Variants in CFAP46 observed in about 807,000 individuals in gnomAD.
The protein encoded by CFAP46 is cilia- and flagella-associated protein 46.
Under a neutral mutation model 325.7 loss-of-function variants are expected in CFAP46, and 245 were observed. That is an observed-to-expected ratio of 0.75 (90% CI 0.68 to 0.84). The LOEUF (loss-of-function observed/expected upper bound fraction) is 0.84. CFAP46 is among the 40% of genes least tolerant of loss of function. The pLI is 0.00. For synonymous variants in CFAP46, 1,523 were observed against 1,495.9 expected (o/e 1.02, Z -0.42); for missense variants, 3,346 against 3,543.0 (o/e 0.94, Z 1.41).
At chr10:132,837,068 T>C in intron 44 of CFAP46, 154 bp from the exon 45 acceptor site, 1 of 597,082 alleles carries the variant, frequency 1.7e-6, no homozygotes, top group Non-Finnish European at 2.9e-6. Flanking sequence ...TGGGGGGCCC[T>C]GCTGGAAGTG....
intron 28 of CFAP46, among the ~76,000 whole-genome samples, chr10:132,879,905 T>A (rs1782899034): frequency 6.6e-6 from 1 of 151,914 alleles, no homozygotes; most frequent in South Asian, 2.1e-4. Context: ...CCTGCTGCCC[T>A]GTGTGTCCTG....
intron 50 of CFAP46, among the ~76,000 whole-genome samples, chr10:132,824,843 AGCGCTGATGTGTGTGT>A (rs1848005598): frequency 1.1e-5 from 1 of 86,994 alleles, no homozygotes; most frequent in African/African-American, 4.7e-5. Context: ...GTGCTGTGTG[AGCGCTGATGTGTGTGT>A]GTGCTGATGT....
intron 24 of CFAP46, among the ~76,000 whole-genome samples, chr10:132,893,496 G>GA (rs1182514987): frequency 1.3e-5 from 2 of 152,156 alleles, no homozygotes; most frequent in African/African-American, 2.4e-5. Context: ...GCACTGGCAG[G>GA]AAACACTCTC....
chr10:132,895,116 A>G (rs1196281305), intron 24 of CFAP46, among the ~76,000 whole-genome samples: 1 of 152,242 alleles, frequency 6.6e-6, no homozygotes, highest in African/African-American at 2.4e-5. Flanking sequence ...ATAATGACCA[A>G]GTAGGATTTA....
At chr10:132,930,698 C>G (rs911019125) in intron 8 of CFAP46, among the ~76,000 whole-genome samples, 2 of 86,634 alleles carry the variant, frequency 2.3e-5, no homozygotes, top group Admixed American at 2.3e-4. Flanking sequence ...ACACTCCCCA[C>G]GCAGAGCCTG....
intron 8 of CFAP46, among the ~76,000 whole-genome samples, chr10:132,930,099 GA>G (rs1427713224): frequency 1.3e-5 from 2 of 152,098 alleles, no homozygotes; most frequent in Non-Finnish European, 2.9e-5. Flanking sequence ...GTCATGTGCA[GA>G]ACCCAGGAGA....
chr10:132,924,635 CTCT>C (rs1849778474), intron 11 of CFAP46, 58 bp downstream of exon 11: 1 of 1,377,622 alleles, frequency 7.3e-7, no homozygotes, highest in African/African-American at 1.5e-5. Flanking sequence ...CCTTCTCCTC[CTCT>C]GTCTCCTCCT....
chr10:132,898,860 T>C lies in CFAP46; in HGVS notation c.3219+99A>G, dbSNP rs1010639243. 1.7e-5 allele frequency: 24 copies of C among 1,445,486 alleles called. No individual in the cohort carries two copies. In the African/African-American group the frequency reaches 3.2e-4, roughly 20 times the overall value. 89.5% of individuals were successfully genotyped at this position (1,445,486 alleles called of 1,614,324 possible). ...GTGCTGGTGCACCCTCTGGGAGGCC[T>C]GTGGGGTCTGTCTTTCTTTGGGAGT... On this transcript the variant is annotated intron_variant, in intron 24 of 57. Transcript: ENST00000368586.
chr10:132,921,261 G>GACCC (rs2135601757), intron 13 of CFAP46, among the ~76,000 whole-genome samples: 1 of 152,318 alleles, frequency 6.6e-6, no homozygotes, highest in East Asian at 1.9e-4. Flanking sequence ...CCCCCAGCAG[G>GACCC]ACCCTCAGGG....
intron 20 of CFAP46, 125 bp downstream of exon 20, chr10:132,909,794 C>T: frequency 5.5e-6 from 5 of 908,216 alleles, no homozygotes; most frequent in Non-Finnish European, 4.6e-6. Context: ...AGGGAGTGCC[C>T]AGGCCATCCG....
At chr10:132,925,098 C>A (rs898187955) in intron 10 of CFAP46, among the ~76,000 whole-genome samples, 1 of 152,214 alleles carries the variant, frequency 6.6e-6, no homozygotes, top group African/African-American at 2.4e-5. Context: ...GGAGGCTTGG[C>A]GGTGCCCACA....
chr10:132,814,304 G>A (rs375726362), intron 53 of CFAP46, 50 bp from the exon 54 acceptor site: 1 of 1,473,410 alleles, frequency 6.8e-7, no homozygotes, highest in Non-Finnish European at 9.4e-7. Flanking sequence ...ATCAGACACG[G>A]GTGTGCAGGG....
In CFAP46 at chr10:132,883,630, G is replaced by A. The variant is rs1157549118; in HGVS notation, c.3627+1473C>T. Among the ~76,000 whole-genome samples, 9 of 152,244 alleles carry A rather than the reference G, an allele frequency of 5.9e-5. No individual in the cohort carries two copies. In the East Asian group the frequency reaches 1.5e-3, roughly 26 times the overall value. Reference sequence around the variant, plus strand: ...CCACTGCTGGGCTGTGCCCCCGGGGGACGAGGACCGGGCCACGCCAGAACT... The same window carrying A: ...CCACTGCTGGGCTGTGCCCCCGGGGAACGAGGACCGGGCCACGCCAGAACT... On this transcript the variant is annotated intron_variant, in intron 27 of 57. Transcript: ENST00000368586.
chr10:132,822,863 G>A (rs1847905691), intron 50 of CFAP46, among the ~76,000 whole-genome samples: 1 of 142,012 alleles, frequency 7.0e-6, no homozygotes, highest in Non-Finnish European at 1.5e-5. Flanking sequence ...TGTGCTGTGT[G>A]CGGTGATGTG....
chr10:132,920,752 C>T (rs1435899693), intron 13 of CFAP46, among the ~76,000 whole-genome samples: 2 of 152,350 alleles, frequency 1.3e-5, no homozygotes, highest in Non-Finnish European at 1.5e-5. Context: ...AGCCACTCAA[C>T]GGCATCCTCC....
chr10:132,824,034 ATG>A (rs1564767717), intron 50 of CFAP46, among the ~76,000 whole-genome samples: 1 of 82,262 alleles, frequency 1.2e-5, no homozygotes, highest in Non-Finnish European at 2.2e-5. Context: ...GTGAGTGCTG[ATG>A]TGTGCTGATG....
intron 10 of CFAP46, among the ~76,000 whole-genome samples, chr10:132,925,882 T>A (rs1348342119): frequency 6.6e-6 from 1 of 152,208 alleles, no homozygotes; most frequent in African/African-American, 2.4e-5. Context: ...GGCTCCTCTG[T>A]ACCCAGCGGA....
At chr10:132,924,500 GCGC>G (rs1849776660) in intron 11 of CFAP46, among the ~76,000 whole-genome samples, 193 bp downstream of exon 11, 1 of 152,226 alleles carries the variant, frequency 6.6e-6, no homozygotes, top group Non-Finnish European at 1.5e-5. Context: ...TCTTCCTCTG[GCGC>G]CGCCAATGCA....
At chr10:132,840,938 G>A (rs1052192498) in intron 44 of CFAP46, among the ~76,000 whole-genome samples, 3 of 152,154 alleles carry the variant, frequency 2.0e-5, no homozygotes, top group Non-Finnish European at 2.9e-5. Flanking sequence ...AGGGCATTCC[G>A]TGGCGAGGGG....
Sources: gnomAD v4.1 joint callset for allele counts (sites outside exome capture counted in the v4.1 genomes callset) on GRCh38, gnomAD v4.1.1 for gene constraint, MANE v1.5 for transcripts, NCBI Gene and HGNC (gene_info 2026-07-23, HGNC 2026-07-21) for gene names.